HCN1: variants seen among roughly 807,000 people sequenced by gnomAD.
The protein encoded by HCN1 is hyperpolarization activated cyclic nucleotide gated potassium channel 1.
Under a neutral mutation model 78.9 loss-of-function variants are expected in HCN1, and 13 were observed. The observed-to-expected ratio is 0.16, with a 90% CI of 0.11 to 0.26. The LOEUF (loss-of-function observed/expected upper bound fraction) is 0.26, where lower values mean the gene tolerates loss of function less well. Among genes scored for constraint, HCN1 ranks in the 10% least tolerant of loss-of-function variants. HCN1 has a pLI of 1.00. For missense variants in HCN1, 810 were observed against 1,154.3 expected (o/e 0.70, Z 4.32); for synonymous variants, 552 against 455.5 (o/e 1.21, Z -2.70).
At chr5:45,415,982 A>G (rs1005058787) in intron 3 of HCN1, among the ~76,000 whole-genome samples, 7 of 152,042 alleles carry the variant, frequency 4.6e-5, no homozygotes, top group Non-Finnish European at 1.0e-4. Flanking sequence ...CATCTGAGCC[A>G]CAAAAGAAAC....
chr5:45,261,782 T>C lies in HCN1; in HGVS notation c.*139A>G, dbSNP rs1744739420. ...AGTATATGTATATATATTTTTACAT[T>C]TCACGTGTAGGCCACAGCTGTCTAA... On this transcript the variant is annotated 3_prime_UTR_variant, in exon 8 of 8. Transcript: ENST00000303230. 1 of 1,028,968 alleles carries C rather than the reference T, an allele frequency of 9.7e-7. No individual in the cohort carries two copies. Among genetic ancestry groups the C allele is most frequent in the Non-Finnish European group, 1.5e-6 (1 of 671,240 alleles). The allele number at this position is 1,028,968 out of a possible 1,614,324, so 63.7% of individuals were successfully genotyped here.
intron 2 of HCN1, among the ~76,000 whole-genome samples, chr5:45,488,815 T>C (rs1374849595): frequency 6.6e-6 from 1 of 152,192 alleles, no homozygotes; most frequent in Non-Finnish European, 1.5e-5. Flanking sequence ...TTTTGGTATT[T>C]ATATTTAGTT....
intron 2 of HCN1, among the ~76,000 whole-genome samples, chr5:45,543,072 T>G (rs930078355): frequency 1.3e-5 from 2 of 152,108 alleles, no homozygotes; most frequent in Non-Finnish European, 2.9e-5. Flanking sequence ...TTACTCTCCC[T>G]CTCTGAGAAG....
chr5:45,672,563 TA>T (rs1284364142), intron 1 of HCN1, among the ~76,000 whole-genome samples: 3 of 146,294 alleles, frequency 2.1e-5, no homozygotes, highest in Non-Finnish European at 4.5e-5. Context: ...CTTAGCGAAT[TA>T]AGTAAAAAAA....
At chr5:45,322,547 G>T (rs1746145624) in intron 5 of HCN1, among the ~76,000 whole-genome samples, 1 of 151,790 alleles carries the variant, frequency 6.6e-6, no homozygotes. Flanking sequence ...AAATCTTGGG[G>T]ATGGGATTCA....
intron 2 of HCN1, among the ~76,000 whole-genome samples, chr5:45,635,404 T>C (rs1390582466): frequency 6.6e-6 from 1 of 151,862 alleles, no homozygotes; most frequent in South Asian, 2.1e-4. Flanking sequence ...CTATAAACAA[T>C]CTCAATGGGA....
chr5:45,355,263 C>A lies in HCN1; in HGVS notation c.1231-2017G>T, dbSNP rs115057121. Among the ~76,000 whole-genome samples, 428 of 152,088 alleles carry A rather than the reference C, an allele frequency of 2.8e-3. 5 individuals are homozygous for A. The highest frequency in any genetic ancestry group is 9.7e-3 in the African/African-American group (401 of 41,530). ...AATCTATATTACTATTTTAAGCATTCATTGACTCATAGTAACTATTGATCT... is the reference window on the plus strand; with the variant it reads ...AATCTATATTACTATTTTAAGCATTAATTGACTCATAGTAACTATTGATCT... On this transcript the variant is annotated intron_variant, in intron 4 of 7. Transcript: ENST00000303230.
chr5:45,678,628 T>C lies in HCN1; in HGVS notation c.425+17041A>G, dbSNP rs186330260. Among the ~76,000 whole-genome samples the C allele has an allele frequency of 5.3e-3, 810 of 152,026 alleles. 4 individuals carry two copies. Among genetic ancestry groups the C allele is most frequent in the Non-Finnish European group, 8.2e-3 (556 of 67,906 alleles). ...TATTTTCATTTAAATAGTCTGTTCA[T>C]TTTGGTACTTAAGCACCACCATTCA... On this transcript the variant is annotated intron_variant, in intron 1 of 7. Transcript: ENST00000303230.
intron 5 of HCN1, among the ~76,000 whole-genome samples, chr5:45,332,264 T>C (rs941290996): frequency 6.6e-6 from 1 of 151,456 alleles, no homozygotes; most frequent in African/African-American, 2.4e-5. Context: ...CAGATACTTT[T>C]GTATGAGTAG....
chr5:45,487,450 C>A (rs1363872035), intron 2 of HCN1, among the ~76,000 whole-genome samples: 1 of 152,022 alleles, frequency 6.6e-6, no homozygotes, highest in Non-Finnish European at 1.5e-5. Context: ...GTGCAGTCAG[C>A]TCTATGTATT....
At chr5:45,499,023 A>G (rs1742125267) in intron 2 of HCN1, among the ~76,000 whole-genome samples, 1 of 151,438 alleles carries the variant, frequency 6.6e-6, no homozygotes, top group Non-Finnish European at 1.5e-5. Flanking sequence ...TGCAGAGGTT[A>G]CTGCTGTCTT....
rs578253913 is a variant in HCN1 at position 45,535,551 on chromosome 5, T to C, written c.850-73544A>G. Among the ~76,000 whole-genome samples, 415 of 152,128 alleles carry C rather than the reference T, an allele frequency of 2.7e-3. 4 individuals carry two copies. The highest frequency in any genetic ancestry group is 9.6e-3 in the African/African-American group (397 of 41,498). On this transcript the variant is annotated intron_variant, in intron 2 of 7. Transcript: ENST00000303230. ...AGGTGGAGGTTGCAGTGAGTTGAGA[T>C]TGTGCCACTGCCCTCCAGCCTAGGG...
intron 2 of HCN1, among the ~76,000 whole-genome samples, chr5:45,463,735 G>A (rs556985214): frequency 3.9e-5 from 6 of 151,908 alleles, no homozygotes; most frequent in Middle Eastern, 3.4e-3. Flanking sequence ...TGATAAAGTC[G>A]GAAAAAGTCA....
chr5:45,317,826 A>G (rs1276336035), intron 5 of HCN1, among the ~76,000 whole-genome samples: 2 of 152,188 alleles, frequency 1.3e-5, no homozygotes, highest in Non-Finnish European at 2.9e-5. Context: ...GCTCATCATC[A>G]CTGGCCATCA....
At chr5:45,462,098 G>C (rs192853911) in intron 2 of HCN1, 91 bp from the exon 3 acceptor site, 2 of 936,146 alleles carry the variant, frequency 2.1e-6, no homozygotes, top group Admixed American at 2.1e-5. Context: ...GTTGTGTAGC[G>C]TAAGCATTGA....
chr5:45,468,179 T>G (rs905213104), intron 2 of HCN1, among the ~76,000 whole-genome samples: 3 of 152,174 alleles, frequency 2.0e-5, no homozygotes, highest in South Asian at 4.1e-4. Flanking sequence ...GAAGTCTTTC[T>G]TCTGAGAAAT....
chr5:45,259,263 G>GT lies in HCN1; in HGVS notation c.*2657dup, dbSNP rs1460620903. 1.3e-5 allele frequency: 2 copies of GT among 151,690 alleles called. No homozygotes were observed. Among genetic ancestry groups the GT allele is most frequent in the Non-Finnish European group, 2.9e-5 (2 of 67,832 alleles). 9.4% of individuals were successfully genotyped at this position (151,690 alleles called of 1,614,324 possible). On this transcript the variant is annotated 3_prime_UTR_variant, in exon 8 of 8. Transcript: ENST00000303230. ...TATTCATGATTGTAGTTTATTTTTT[G>GT]TTGAATTTATTAATAATCTTTATAT... is the stretch of plus-strand genomic sequence containing the variant.
At chr5:45,504,703 T>C (rs1742261167) in intron 2 of HCN1, among the ~76,000 whole-genome samples, 1 of 152,222 alleles carries the variant, frequency 6.6e-6, no homozygotes, top group African/African-American at 2.4e-5. Context: ...TGAACTAGTT[T>C]ACAGTCCCAC....
chr5:45,261,878 A>C lies in HCN1; in HGVS notation c.*43T>G. Reference sequence around the variant, plus strand: ...TAAAATAAGATCTGAGTATAGTCTCAGTTTATGAGAGTATTTCTTTCTGCT... The same window carrying C: ...TAAAATAAGATCTGAGTATAGTCTCCGTTTATGAGAGTATTTCTTTCTGCT... On this transcript the variant is annotated 3_prime_UTR_variant, in exon 8 of 8. Coordinates refer to ENST00000303230, the MANE Select transcript of HCN1 (RefSeq NM_021072.4). The C allele has an allele frequency of 6.2e-7, 1 of 1,611,244 alleles. No individual in the cohort carries two copies. The highest frequency in any genetic ancestry group is 8.5e-7 in the Non-Finnish European group (1 of 1,178,122).
Sources: gnomAD v4.1 joint callset for allele counts (sites outside exome capture counted in the v4.1 genomes callset) on GRCh38, gnomAD v4.1.1 for gene constraint, MANE v1.5 for transcripts, NCBI Gene and HGNC (gene_info 2026-07-23, HGNC 2026-07-21) for gene names.